WWOX: variants seen among roughly 807,000 people sequenced by gnomAD.
The protein encoded by WWOX is WW domain containing oxidoreductase.
WWOX carries 69 observed loss-of-function variants against 46.2 expected under a neutral mutation model. That is an observed-to-expected ratio of 1.49 (90% CI 1.23 to 1.82). The LOEUF is 1.82. Among genes scored for constraint, WWOX ranks in the 40% most tolerant of loss-of-function variants. The pLI is 0.00. For synonymous variants in WWOX, 359 were observed against 202.6 expected (o/e 1.77, Z -6.56); for missense variants, 919 against 542.6 (o/e 1.69, Z -6.89).
intron 8 of WWOX, among the ~76,000 whole-genome samples, chr16:78,670,121 C>CAGTTGTG (rs2047425122): frequency 1.3e-5 from 2 of 151,668 alleles, no homozygotes; most frequent in Admixed American, 1.3e-4. Context: ...GTGAGGGCTT[C>CAGTTGTG]TCTGCGTCAG....
chr16:78,464,115 C>T (rs1424827718), intron 8 of WWOX, among the ~76,000 whole-genome samples: 1 of 152,094 alleles, frequency 6.6e-6, no homozygotes, highest in Non-Finnish European at 1.5e-5. Flanking sequence ...CTGACCCATT[C>T]ATCTGAGAGA....
chr16:79,031,790 C>T (rs919542348), intron 8 of WWOX, among the ~76,000 whole-genome samples: 1 of 133,008 alleles, frequency 7.5e-6, no homozygotes, highest in African/African-American at 2.8e-5. Flanking sequence ...GATATATAAT[C>T]TATATATAGA....
At chr16:78,475,113 C>G (rs1383174162) in intron 8 of WWOX, among the ~76,000 whole-genome samples, 1 of 152,160 alleles carries the variant, frequency 6.6e-6, no homozygotes, top group Non-Finnish European at 1.5e-5. Context: ...TTACTTGGTT[C>G]TTAAACTCTC....
Position 78,343,840 on chromosome 16 carries a change from G to A in WWOX, c.517-43020G>A, listed in dbSNP as rs755585649. Among the ~76,000 whole-genome samples, 28 of 119,890 alleles carry A rather than the reference G, an allele frequency of 2.3e-4. 8 individuals are homozygous for A. Among genetic ancestry groups the A allele is most frequent in the African/African-American group, 2.5e-4 (9 of 35,350 alleles). The allele number at this position is 119,890 out of a possible 152,430, so 78.7% of individuals were successfully genotyped here. ...CTGCTTTAATATTAATATGACACCC[G>A]TTTTGGGCTTGAAAAGTTTTCCTTC... On this transcript the variant is annotated intron_variant, in intron 5 of 8. Transcript: ENST00000566780.
At chr16:78,884,340 A>G (rs961914585) in intron 8 of WWOX, among the ~76,000 whole-genome samples, 1 of 151,630 alleles carries the variant, frequency 6.6e-6, no homozygotes, top group Non-Finnish European at 1.5e-5. Context: ...GTGCTCATAC[A>G]TTTGCCAAAA....
chr16:79,133,642 T>C lies in WWOX; in HGVS notation c.1057-77966T>C, dbSNP rs562076144. Reference sequence around the variant, plus strand: ...GCCTTATAAAAGCTAAGTGCTACTTTATATTTCTGCTGTCCTTGCCGGTGG... The same window carrying C: ...GCCTTATAAAAGCTAAGTGCTACTTCATATTTCTGCTGTCCTTGCCGGTGG... On this transcript the variant is annotated intron_variant, in intron 8 of 8. Transcript: ENST00000566780. Among the ~76,000 whole-genome samples the C allele has an allele frequency of 6.6e-5, 10 of 152,320 alleles. No individual in the cohort carries two copies. In the South Asian group the frequency reaches 1.7e-3, roughly 25 times the overall value.
At chr16:78,215,121 G>A (rs534760346) in intron 5 of WWOX, among the ~76,000 whole-genome samples, 2 of 152,282 alleles carry the variant, frequency 1.3e-5, no homozygotes, top group Non-Finnish European at 2.9e-5. Context: ...TGATATTTCT[G>A]GCTTTGCTCT....
intron 5 of WWOX, among the ~76,000 whole-genome samples, chr16:78,217,650 G>A (rs1157452509): frequency 2.0e-5 from 3 of 152,138 alleles, no homozygotes; most frequent in Non-Finnish European, 4.4e-5. Context: ...AAGTTACTAG[G>A]TGCCAGGTGT....
At chr16:79,083,879 A>G (rs888119788) in intron 8 of WWOX, among the ~76,000 whole-genome samples, 1 of 152,142 alleles carries the variant, frequency 6.6e-6, no homozygotes, top group African/African-American at 2.4e-5. Context: ...TTTTGTTTTA[A>G]TGCAAACTGA....
chr16:78,749,236 C>A (rs186681099), intron 8 of WWOX, among the ~76,000 whole-genome samples: 1 of 152,208 alleles, frequency 6.6e-6, no homozygotes, highest in East Asian at 1.9e-4. Context: ...CCACCTACAT[C>A]ATAGGTAGAT....
At chr16:78,979,015 C>G (rs562464580) in intron 8 of WWOX, among the ~76,000 whole-genome samples, 1 of 152,028 alleles carries the variant, frequency 6.6e-6, no homozygotes, top group Non-Finnish European at 1.5e-5. Flanking sequence ...GGACCAGCAT[C>G]GACCTTCATC....
intron 8 of WWOX, among the ~76,000 whole-genome samples, chr16:78,488,456 G>T (rs778332546): frequency 6.6e-6 from 1 of 152,080 alleles, no homozygotes; most frequent in Non-Finnish European, 1.5e-5. Context: ...GCTGAGATTG[G>T]CTCTTCCTGA....
At chr16:78,395,485 C>T (rs1432898667) in intron 6 of WWOX, among the ~76,000 whole-genome samples, 1 of 152,016 alleles carries the variant, frequency 6.6e-6, no homozygotes, top group Non-Finnish European at 1.5e-5. Context: ...GCACTCCAGC[C>T]TGGGCAACAG....
intron 8 of WWOX, among the ~76,000 whole-genome samples, chr16:78,884,549 A>G (rs1005206520): frequency 6.6e-6 from 1 of 152,182 alleles, no homozygotes; most frequent in Non-Finnish European, 1.5e-5. Flanking sequence ...AACAATGTGG[A>G]TTTATCTTAC....
Position 78,168,681 on chromosome 16 carries a change from A to C in WWOX, c.516+4392A>C, listed in dbSNP as rs914993855. On this transcript the variant is annotated intron_variant, in intron 5 of 8. Coordinates refer to ENST00000566780, the MANE Select transcript of WWOX (RefSeq NM_016373.4). ...AGCTGCGGTTTGAGTGATTAATTTCAGGATCCATCCTATTTCTTAGAGGAA... is the reference window on the plus strand; with the variant it reads ...AGCTGCGGTTTGAGTGATTAATTTCCGGATCCATCCTATTTCTTAGAGGAA... 2.6e-5 allele frequency among the ~76,000 whole-genome samples: 4 copies of C among 152,174 alleles called. No homozygotes were observed. In the South Asian group the frequency reaches 6.2e-4, roughly 24 times the overall value.
chr16:78,327,936 G>A (rs987073053), intron 5 of WWOX, among the ~76,000 whole-genome samples: 4 of 120,052 alleles, frequency 3.3e-5, no homozygotes, highest in Admixed American at 2.3e-4. Context: ...GAGTACAGTT[G>A]TACAATCTTG....
Position 79,042,727 on chromosome 16 carries a change from G to A in WWOX, c.1057-168881G>A, listed in dbSNP as rs921143678. On this transcript the variant is annotated intron_variant, in intron 8 of 8. Coordinates refer to ENST00000566780, the MANE Select transcript of WWOX (RefSeq NM_016373.4). ...TGTGGGAAGACAGATGAATACTCAG[G>A]GTTTTTTTTTTTTTTTCTTCTAACT... Among the ~76,000 whole-genome samples, 44 of 60,322 alleles carry A rather than the reference G, an allele frequency of 7.3e-4. 1 individual carries two copies. The highest frequency in any genetic ancestry group is 4.3e-3 in the African/African-American group (44 of 10,146). The allele number at this position is 60,322 out of a possible 152,430, so 39.6% of individuals were successfully genotyped here.
intron 8 of WWOX, among the ~76,000 whole-genome samples, chr16:79,080,888 C>A (rs1489354947): frequency 6.6e-6 from 1 of 152,176 alleles, no homozygotes; most frequent in Non-Finnish European, 1.5e-5. Context: ...GGTATCCCAA[C>A]AGATGCATCA....
chr16:78,940,469 A>G (rs999153944), intron 8 of WWOX, among the ~76,000 whole-genome samples: 1 of 152,200 alleles, frequency 6.6e-6, no homozygotes, highest in African/African-American at 2.4e-5. Flanking sequence ...TTCCAGAATC[A>G]GGAGGAGTAT....
Sources: allele counts gnomAD v4.1 joint callset (sites outside exome capture counted in the v4.1 genomes callset), GRCh38; gene constraint gnomAD v4.1.1; transcripts MANE v1.5; gene names NCBI Gene and HGNC (gene_info 2026-07-23, HGNC 2026-07-21).